DLGAP1: variants seen among roughly 807,000 people sequenced by gnomAD.
DLGAP1 encodes DLG associated protein 1, also known as disks large-associated protein 1.
DLGAP1 carries 11 observed loss-of-function variants against 90.8 expected under a neutral mutation model. That is an observed-to-expected ratio of 0.12 (90% confidence interval 0.08 to 0.20). The LOEUF is 0.20. Ranked by LOEUF, DLGAP1 falls within the 10% of genes least tolerant of loss-of-function variation. The pLI is 1.00. For synonymous variants in DLGAP1, 558 were observed against 540.7 expected (o/e 1.03, Z -0.44); for missense variants, 1,050 against 1,333.8 (o/e 0.79, Z 3.31).
At chr18:3,972,991 G>A (rs189794709) in intron 3 of DLGAP1, among the ~76,000 whole-genome samples, 3 of 152,340 alleles carry the variant, frequency 2.0e-5, no homozygotes, top group East Asian at 3.9e-4. Context: ...GATAACAAGC[G>A]TGAGCTCAAG....
chr18:4,114,982 A>G (rs537748409), intron 2 of DLGAP1, among the ~76,000 whole-genome samples: 1 of 151,186 alleles, frequency 6.6e-6, no homozygotes, highest in East Asian at 1.9e-4. Flanking sequence ...CATTGTTTTT[A>G]TTTGTTTTGT....
At chr18:4,347,474 A>G (rs1325535578) in intron 1 of DLGAP1, among the ~76,000 whole-genome samples, 1 of 152,074 alleles carries the variant, frequency 6.6e-6, no homozygotes, top group Non-Finnish European at 1.5e-5. Flanking sequence ...GCATAGTATT[A>G]TATATCATAT....
chr18:4,449,884 C>CT (rs1447600785), intron 1 of DLGAP1, among the ~76,000 whole-genome samples: 1 of 152,130 alleles, frequency 6.6e-6, no homozygotes, highest in African/African-American at 2.4e-5. Context: ...CATAGAAGCT[C>CT]TAGAATCAAG....
intron 1 of DLGAP1, among the ~76,000 whole-genome samples, chr18:4,299,618 TATAAA>T (rs534868112): frequency 1.7e-4 from 26 of 152,222 alleles, no homozygotes; most frequent in African/African-American, 6.0e-4. Context: ...ACTCAGCAAA[TATAAA>T]AGAGAGTGAA....
intron 5 of DLGAP1, among the ~76,000 whole-genome samples, chr18:3,783,729 T>C (rs1043881541): frequency 1.2e-4 from 18 of 152,156 alleles, no homozygotes; most frequent in African/African-American, 2.7e-4. Flanking sequence ...CAAAAAACCA[T>C]TGCATCGTAC....
Position 3,961,289 on chromosome 18 carries a change from G to A in DLGAP1, c.-73+43827C>T, listed in dbSNP as rs566211119. Among the ~76,000 whole-genome samples the A allele has an allele frequency of 6.6e-5, 10 of 152,278 alleles. No homozygotes were observed. The South Asian group carries it at 2.1e-3, about 32-fold the overall frequency. On this transcript the variant is annotated intron_variant, in intron 3 of 12. Coordinates refer to ENST00000315677, the MANE Select transcript of DLGAP1 (RefSeq NM_004746.4). The stretch of plus-strand genomic sequence containing the variant: ...GCTAGGTTTTCTGGTACTTACTGCA[G>A]GAAACCTCCAACACTTCAAAAGCTC...
At chr18:4,072,254 G>A (rs7243489) in intron 2 of DLGAP1, among the ~76,000 whole-genome samples, 37,934 of 151,770 alleles carry the variant, frequency 0.25, 5,877 homozygotes, top group East Asian at 0.64. Flanking sequence ...AAAGACCTTC[G>A]CTGCATTTTT....
intron 9 of DLGAP1, among the ~76,000 whole-genome samples, chr18:3,559,311 T>C (rs1568193915): frequency 6.6e-6 from 1 of 152,226 alleles, no homozygotes; most frequent in African/African-American, 2.4e-5. Flanking sequence ...AAGGAGTGTG[T>C]TTATGTAAAA....
intron 3 of DLGAP1, chr18:3,978,510 G>A (rs1467044921): frequency 1.2e-5 from 3 of 248,086 alleles, no homozygotes; most frequent in Non-Finnish European, 2.4e-5. Flanking sequence ...TCAATGAACG[G>A]GTAACCGATG....
At chr18:3,700,252 G>A (rs1458584426) in intron 7 of DLGAP1, among the ~76,000 whole-genome samples, 1 of 152,188 alleles carries the variant, frequency 6.6e-6, no homozygotes, top group African/African-American at 2.4e-5. Flanking sequence ...CCCTGGTGGT[G>A]TAGGCACCCA....
chr18:4,038,569 G>A (rs1391893262), intron 2 of DLGAP1, among the ~76,000 whole-genome samples: 1 of 151,982 alleles, frequency 6.6e-6, no homozygotes. Flanking sequence ...TTTAGTATGA[G>A]GTAAAATAGA....
intron 3 of DLGAP1, among the ~76,000 whole-genome samples, chr18:3,954,442 T>C (rs980185050): frequency 9.2e-5 from 14 of 152,338 alleles, no homozygotes; most frequent in Middle Eastern, 6.8e-3. Context: ...GTGTGAAGGA[T>C]GAAACTGAAT....
At chr18:3,670,333 G>A (rs1316189873) in intron 7 of DLGAP1, among the ~76,000 whole-genome samples, 2 of 152,164 alleles carry the variant, frequency 1.3e-5, no homozygotes, top group Admixed American at 6.5e-5. Context: ...TTCAAGAGAA[G>A]AGGTTAGAAA....
At chr18:4,144,604 T>C (rs2076553772) in intron 2 of DLGAP1, among the ~76,000 whole-genome samples, 1 of 151,500 alleles carries the variant, frequency 6.6e-6, no homozygotes, top group Non-Finnish European at 1.5e-5. Context: ...ATAAAGGTGA[T>C]TTTTTTTTGT....
rs552209258 is a variant in DLGAP1, at chr18:3,622,135, C to T, written c.1592-39887G>A. On this transcript the variant is annotated intron_variant, in intron 7 of 12. Transcript: ENST00000315677. Reference sequence around the variant, plus strand: ...CTTTTTTTTTTTTGATATGGAGTCTCGCTCTGTCGCCCAGGCTAGAGTGCA... The same window carrying T: ...CTTTTTTTTTTTTGATATGGAGTCTTGCTCTGTCGCCCAGGCTAGAGTGCA... 1.8e-4 allele frequency among the ~76,000 whole-genome samples: 27 copies of T among 151,146 alleles called. No homozygotes were observed. In the East Asian group the frequency reaches 4.1e-3, roughly 23 times the overall value.
At chr18:3,859,421 C>T (rs942954446) in intron 4 of DLGAP1, among the ~76,000 whole-genome samples, 1 of 152,182 alleles carries the variant, frequency 6.6e-6, no homozygotes, top group South Asian at 2.1e-4. Context: ...TCCCCAAAGA[C>T]GCCCATGTCT....
chr18:4,424,961 C>T (rs1356547756), intron 1 of DLGAP1, among the ~76,000 whole-genome samples: 1 of 150,752 alleles, frequency 6.6e-6, no homozygotes, highest in African/African-American at 2.4e-5. Context: ...ATAATTACTT[C>T]CACCTATCCA....
intron 3 of DLGAP1, among the ~76,000 whole-genome samples, chr18:3,914,343 T>C (rs992947028): frequency 6.6e-6 from 1 of 152,152 alleles, no homozygotes; most frequent in Non-Finnish European, 1.5e-5. Flanking sequence ...ATTAGCATAA[T>C]GTTTTCCAGA....
intron 1 of DLGAP1, among the ~76,000 whole-genome samples, chr18:4,311,566 G>C (rs1327683562): frequency 6.6e-6 from 1 of 152,122 alleles, no homozygotes; most frequent in Non-Finnish European, 1.5e-5. Context: ...TTCTTCTTGA[G>C]ATTTTTATAT....
Sources: allele counts gnomAD v4.1 joint callset (sites outside exome capture counted in the v4.1 genomes callset), GRCh38; gene constraint gnomAD v4.1.1; transcripts MANE v1.5; gene names NCBI Gene and HGNC (gene_info 2026-07-23, HGNC 2026-07-21).